ZMYM4: variants seen among roughly 807,000 people sequenced by gnomAD.
ZMYM4 encodes the protein zinc finger MYM-type containing 4, also known as zinc finger MYM-type protein 4.
ZMYM4 carries 31 observed loss-of-function variants against 183.2 expected under a neutral mutation model. That is an observed-to-expected ratio of 0.17 (90% CI 0.13 to 0.23). The LOEUF (loss-of-function observed/expected upper bound fraction) is 0.23. Ranked by LOEUF, ZMYM4 falls within the 10% of genes least tolerant of loss-of-function variation. The probability of loss-of-function intolerance (pLI) is 1.00; values close to 1 mark genes in which losing one functional copy is unlikely to be tolerated. For synonymous variants in ZMYM4, 592 were observed against 631.2 expected, an observed-to-expected ratio of 0.94 and a Z score of 0.93; for missense variants, 1,273 against 1,840.3, an observed-to-expected ratio of 0.69 and a Z score of 5.64.
chr1:35,365,672 C>A (rs1338310815), intron 5 of ZMYM4, among the ~76,000 whole-genome samples: 1 of 152,046 alleles, frequency 6.6e-6, no homozygotes, highest in Non-Finnish European at 1.5e-5. Context: ...TATTGATCTT[C>A]ATTTGTAGTA....
intron 2 of ZMYM4, among the ~76,000 whole-genome samples, chr1:35,337,388 T>C (rs1037435341): frequency 6.6e-6 from 1 of 152,174 alleles, no homozygotes; most frequent in Admixed American, 6.5e-5. Flanking sequence ...AGTAAATCCA[T>C]CGTGTTCTCT....
At chr1:35,303,508 C>T (rs1641387082) in intron 1 of ZMYM4, among the ~76,000 whole-genome samples, 5 of 152,104 alleles carry the variant, frequency 3.3e-5, no homozygotes, top group Admixed American at 3.3e-4. Context: ...TGGGTTCAAG[C>T]GATTCTCCTG....
At chr1:35,286,794 T>TTTTTTTTTTTTTATTA (rs1640518675) in intron 1 of ZMYM4, among the ~76,000 whole-genome samples, 1 of 104,750 alleles carries the variant, frequency 9.5e-6, no homozygotes, top group African/African-American at 4.4e-5. Context: ...TTTTTTTTTT[T>TTTTTTTTTTTTTATTA]TTTTTTTTTT....
intron 25 of ZMYM4, 102 bp from the exon 26 acceptor site, chr1:35,407,906 C>G: frequency 6.9e-7 from 1 of 1,455,388 alleles, no homozygotes; most frequent in Non-Finnish European, 9.4e-7. Flanking sequence ...TAGTCTGCAC[C>G]GCAGTGCCTG....
chr1:35,372,869 A>G (rs1644244873), intron 7 of ZMYM4, among the ~76,000 whole-genome samples: 1 of 152,164 alleles, frequency 6.6e-6, no homozygotes, highest in African/African-American at 2.4e-5. Context: ...TTAAAATATG[A>G]TGTTGTGGCT....
chr1:35,361,099 G>A, intron 3 of ZMYM4, 95 bp from the exon 4 acceptor site: 1 of 1,070,526 alleles, frequency 9.3e-7, no homozygotes, highest in Non-Finnish European at 1.3e-6. Context: ...TTGGAAAAGA[G>A]AGGTGATTAT....
chr1:35,381,266 T>G lies in ZMYM4; in HGVS notation c.1189T>G (p.Leu397Val). 1.9e-6 allele frequency: 3 copies of G among 1,575,768 alleles called. No homozygotes were observed. Among genetic ancestry groups the G allele is most frequent in the African/African-American group, 1.4e-5 (1 of 72,888 alleles). The part of the protein sequence containing the change: ...KTCSSCSKDI[L>V]NPKDVISAQF... ...TTTTTTTCTTATTTTTAGAGACATT[T>G]TAAATCCAAAGGATGTGATCAGTGC... Residue 397 changes from leucine to valine, a missense_variant, in exon 8 of 30, where the codon TTA becomes GTA. Physicochemically the swap from Leu to Val is conservative, Grantham distance 32 (BLOSUM62 1). Transcript: ENST00000314607.
At chr1:35,291,089 A>G (rs1640737705) in intron 1 of ZMYM4, among the ~76,000 whole-genome samples, 1 of 152,014 alleles carries the variant, frequency 6.6e-6, no homozygotes, top group African/African-American at 2.4e-5. Flanking sequence ...GATGCAGTAC[A>G]TTTTCATTTC....
intron 15 of ZMYM4, among the ~76,000 whole-genome samples, chr1:35,391,752 A>G (rs1490485725): frequency 6.6e-6 from 1 of 152,242 alleles, no homozygotes; most frequent in African/African-American, 2.4e-5. Context: ...ACTAATTAAA[A>G]AGTAGAAAAC....
At chr1:35,367,583 A>G (rs985677159) in intron 5 of ZMYM4, among the ~76,000 whole-genome samples, 1 of 152,242 alleles carries the variant, frequency 6.6e-6, no homozygotes, top group Non-Finnish European at 1.5e-5. Context: ...AAGATTAGTC[A>G]GACTGAAAAT....
At chr1:35,329,804 A>C (rs1472377538) in intron 2 of ZMYM4, among the ~76,000 whole-genome samples, 1 of 152,108 alleles carries the variant, frequency 6.6e-6, no homozygotes, top group African/African-American at 2.4e-5. Context: ...TCCTCCTTCC[A>C]CTGCCTCCCA....
chr1:35,399,713 A>G (rs1644869262), intron 23 of ZMYM4, 137 bp downstream of exon 23: 1 of 816,048 alleles, frequency 1.2e-6, no homozygotes, highest in Non-Finnish European at 1.9e-6. Flanking sequence ...TTGTTTTTTG[A>G]ATTCAAGAAC....
Position 35,405,427 on chromosome 1 carries a change from A to T in ZMYM4, c.3755A>T (p.Asp1252Val). ...TCTGACCCCTTAGGAAGTACTCAAGACCATGCACTCTCTCAAGAATCCTCA... is the reference window on the plus strand; with the variant it reads ...TCTGACCCCTTAGGAAGTACTCAAGTCCATGCACTCTCTCAAGAATCCTCA... ...PRSDPLGSTQ[D>V]HALSQESSEP... is the part of the protein sequence containing the mutation. Residue 1252 changes from aspartate (D) to valine (V), a missense_variant, in exon 25 of 30, where the codon GAC becomes GTC. Coordinates refer to ENST00000314607, the MANE Select transcript of ZMYM4 (RefSeq NM_005095.3). 1 of 1,613,180 alleles carries T rather than the reference A, an allele frequency of 6.2e-7. No individual in the cohort carries two copies. Among genetic ancestry groups the T allele is most frequent in the Non-Finnish European group, 8.5e-7 (1 of 1,179,646 alleles).
chr1:35,358,302 G>A (rs1326456307), intron 2 of ZMYM4, among the ~76,000 whole-genome samples: 1 of 152,128 alleles, frequency 6.6e-6, no homozygotes, highest in African/African-American at 2.4e-5. Flanking sequence ...GTTTTAAACA[G>A]TAAATAGTCT....
At chr1:35,419,428 C>G in intron 29 of ZMYM4, 42 bp from the exon 30 acceptor site, 1 of 1,594,762 alleles carries the variant, frequency 6.3e-7, no homozygotes, top group South Asian at 1.1e-5. Flanking sequence ...TCTCTGATTT[C>G]TAATTTTCTT....
chr1:35,413,265 G>A (rs1639986882), intron 26 of ZMYM4, among the ~76,000 whole-genome samples: 2 of 151,334 alleles, frequency 1.3e-5, no homozygotes, highest in African/African-American at 4.9e-5. Flanking sequence ...GGTTAGTCTT[G>A]CACTATTGAC....
intron 1 of ZMYM4, among the ~76,000 whole-genome samples, chr1:35,277,424 C>G (rs981675245): frequency 6.6e-6 from 1 of 152,158 alleles, no homozygotes; most frequent in African/African-American, 2.4e-5. Context: ...TGGAATTGTT[C>G]TAGACAAATT....
At chr1:35,373,269 C>T (rs993564111) in intron 7 of ZMYM4, among the ~76,000 whole-genome samples, 3 of 151,084 alleles carry the variant, frequency 2.0e-5, no homozygotes, top group African/African-American at 4.8e-5. Context: ...CACACCCACA[C>T]CCCCCACAAG....
At chr1:35,352,107 CAAGTA>C (rs1431454913) in intron 2 of ZMYM4, among the ~76,000 whole-genome samples, 1 of 152,090 alleles carries the variant, frequency 6.6e-6, no homozygotes, top group Non-Finnish European at 1.5e-5. Flanking sequence ...TAAAAAACCA[CAAGTA>C]AATAGGCTGG....
Sources: gnomAD v4.1 joint callset for allele counts (sites outside exome capture counted in the v4.1 genomes callset) on GRCh38, gnomAD v4.1.1 for gene constraint, MANE v1.5 for transcripts, NCBI Gene and HGNC (gene_info 2026-07-23, HGNC 2026-07-21) for gene names.